DRG1: variants seen among roughly 807,000 people sequenced by gnomAD.
DRG1 encodes developmentally-regulated GTP-binding protein 1.
In DRG1, 19 loss-of-function variants were observed where a neutral mutation model predicts 38.8. The observed-to-expected ratio is 0.49, with a 90% CI of 0.34 to 0.72. The LOEUF is 0.72. DRG1 is among the 30% of genes least tolerant of loss of function. DRG1 has a pLI of 0.01. For synonymous variants in DRG1, 167 were observed against 157.5 expected (o/e 1.06, Z -0.45); for missense variants, 299 against 444.8 (o/e 0.67, Z 2.95).
intron 3 of DRG1, among the ~76,000 whole-genome samples, chr22:31,404,299 G>A (rs574938822): frequency 2.5e-4 from 38 of 150,752 alleles, no homozygotes; most frequent in Non-Finnish European, 4.4e-4. Context: ...GAATGCAGTG[G>A]TGCAATCTCA....
intron 3 of DRG1, among the ~76,000 whole-genome samples, chr22:31,405,218 G>A (rs2049982431): frequency 6.6e-6 from 1 of 151,056 alleles, no homozygotes; most frequent in South Asian, 2.1e-4. Flanking sequence ...ACCCAGGCTG[G>A]AGTGCAGTGG....
chr22:31,400,387 C>T (rs1412706364), intron 1 of DRG1, among the ~76,000 whole-genome samples: 1 of 152,024 alleles, frequency 6.6e-6, no homozygotes, highest in East Asian at 1.9e-4. Flanking sequence ...GGGTTTCAGT[C>T]TAGTCTGGGG....
chr22:31,421,336 T>A (rs2145867456), intron 5 of DRG1: 1 of 148,576 alleles, frequency 6.7e-6, no homozygotes, highest in Admixed American at 6.9e-5. Flanking sequence ...TTGCCCAGGC[T>A]GGTCTTGAAC....
At chr22:31,424,792 C>A (rs561219720) in intron 6 of DRG1, among the ~76,000 whole-genome samples, 1 of 65,928 alleles carries the variant, frequency 1.5e-5, no homozygotes, top group Non-Finnish European at 2.8e-5. Context: ...CTGCTGTGCC[C>A]GGCACCCGCC....
At chr22:31,413,622 T>TG (rs1185676127) in intron 4 of DRG1, among the ~76,000 whole-genome samples, 2 of 140,970 alleles carry the variant, frequency 1.4e-5, no homozygotes, top group East Asian at 2.0e-4. Flanking sequence ...TTTTTTTTTT[T>TG]TTTTTTTTTT....
At chr22:31,432,626 C>A (rs754233192) in intron 8 of DRG1, among the ~76,000 whole-genome samples, 21 of 152,122 alleles carry the variant, frequency 1.4e-4, no homozygotes, top group Non-Finnish European at 2.6e-4. Flanking sequence ...TGGGGTTTCA[C>A]CATGTTGGCC....
intron 3 of DRG1, among the ~76,000 whole-genome samples, chr22:31,404,703 C>A (rs192948660): frequency 3.9e-5 from 6 of 152,066 alleles, no homozygotes; most frequent in Non-Finnish European, 7.4e-5. Context: ...CTCACTGCAA[C>A]CTCCGCCTCC....
intron 4 of DRG1, among the ~76,000 whole-genome samples, chr22:31,415,526 A>AT (rs372421123): frequency 1.1e-4 from 17 of 152,038 alleles, no homozygotes; most frequent in African/African-American, 3.9e-4. Context: ...CGCCTGGCTA[A>AT]TTTTTTTGTA....
At chr22:31,433,676 C>T (rs1327213374) in intron 8 of DRG1, among the ~76,000 whole-genome samples, 196 bp from the exon 9 acceptor site, 1 of 152,184 alleles carries the variant, frequency 6.6e-6, no homozygotes, top group Non-Finnish European at 1.5e-5. Context: ...AGAGGAACCA[C>T]ACAACTTCCA....
chr22:31,423,349 G>A lies in DRG1; in HGVS notation c.652G>A (p.Asp218Asn). ...GGCTGAATACAAGATTCATAATGCC[G>A]ATGTGACTCTACGTAGTGATGCTAC... ...ILAEYKIHNA[D>N]VTLRSDATAD... The change falls in exon 6 of 9, where the codon GAT becomes AAT. Residue 218 changes from aspartate (D) to asparagine (N), a missense_variant. This residue lies in a region of DRG1 where 198 missense variants were observed against 268.1 expected (regional missense o/e 0.74). Coordinates refer to ENST00000331457, the MANE Select transcript of DRG1 (RefSeq NM_004147.4). 2 of 1,614,010 alleles carry A rather than the reference G, an allele frequency of 1.2e-6. No homozygotes were observed. The highest frequency in any genetic ancestry group is 1.7e-6 in the Non-Finnish European group (2 of 1,179,988).
rs2050006436 is a variant in DRG1 at position 31,409,365 on chromosome 22, A to T, written c.343-1647A>T. Reference sequence around the variant, plus strand: ...CTCTGGGAAAGTGCTGTGGAATTATAGGTGTGAGTTACTGGGCCCAGCCTG... The same window carrying T: ...CTCTGGGAAAGTGCTGTGGAATTATTGGTGTGAGTTACTGGGCCCAGCCTG... On this transcript the variant is annotated intron_variant, in intron 3 of 8. Transcript: ENST00000331457. Among the ~76,000 whole-genome samples the T allele has an allele frequency of 2.6e-5, 4 of 152,218 alleles. No homozygotes were observed. The South Asian group carries it at 8.3e-4, about 32-fold the overall frequency.
chr22:31,407,237 A>C (rs1163131104), intron 3 of DRG1, among the ~76,000 whole-genome samples: 1 of 152,024 alleles, frequency 6.6e-6, no homozygotes, highest in Admixed American at 6.6e-5. Flanking sequence ...ATTTTAGGGG[A>C]GATACTTCAA....
At chr22:31,414,976 A>G (rs1447217054) in intron 4 of DRG1, among the ~76,000 whole-genome samples, 3 of 151,678 alleles carry the variant, frequency 2.0e-5, no homozygotes, top group African/African-American at 4.8e-5. Flanking sequence ...CAGTCTCACT[A>G]TGTTGTTCAG....
chr22:31,412,352 CTT>C (rs539328480), intron 4 of DRG1, among the ~76,000 whole-genome samples: 5 of 127,264 alleles, frequency 3.9e-5, no homozygotes, highest in Admixed American at 8.3e-5. Context: ...TTCTTTCTTT[CTT>C]TTTTTTTTTT....
intron 4 of DRG1, among the ~76,000 whole-genome samples, chr22:31,417,320 G>A (rs971899988): frequency 2.0e-5 from 3 of 151,798 alleles, no homozygotes; most frequent in Non-Finnish European, 4.4e-5. Context: ...GCAGTGAGCC[G>A]AGATTGCACC....
At chr22:31,432,889 C>G (rs1392954967) in intron 8 of DRG1, among the ~76,000 whole-genome samples, 1 of 151,928 alleles carries the variant, frequency 6.6e-6, no homozygotes, top group Admixed American at 6.6e-5. Context: ...GAGGTTTTGA[C>G]TCAATGATAA....
At chr22:31,400,213 G>A (rs1823955953) in intron 1 of DRG1, among the ~76,000 whole-genome samples, 1 of 151,866 alleles carries the variant, frequency 6.6e-6, no homozygotes, top group South Asian at 2.1e-4. Flanking sequence ...CCGGTAATCG[G>A]ATCTGGAAGT....
At chr22:31,399,787 C>T in intron 1 of DRG1, 62 bp downstream of exon 1, 1 of 1,611,440 alleles carries the variant, frequency 6.2e-7, no homozygotes. Context: ...TGGCGTCGCT[C>T]CTTCCTGTTC....
At chr22:31,421,462 A>G (rs940249471) in intron 5 of DRG1, 4 of 151,752 alleles carry the variant, frequency 2.6e-5, no homozygotes, top group African/African-American at 9.7e-5. Context: ...ATGAACTCTT[A>G]TTACTAAAAT....
Sources: allele counts gnomAD v4.1 joint callset (sites outside exome capture counted in the v4.1 genomes callset), GRCh38; gene constraint gnomAD v4.1.1; regional missense constraint gnomAD v4.1.1; transcripts MANE v1.5; gene names NCBI Gene and HGNC (gene_info 2026-07-23, HGNC 2026-07-21).